Variants in SLC25A48 observed in about 807,000 individuals in gnomAD.
The protein encoded by SLC25A48 is solute carrier family 25 member 48.
A neutral mutation model predicts 32.2 loss-of-function variants in SLC25A48; 29 were observed. That is an observed-to-expected ratio of 0.90 (90% CI 0.67 to 1.23). The LOEUF (loss-of-function observed/expected upper bound fraction) is 1.23, where lower values mean the gene tolerates loss of function less well. Among genes scored for constraint, SLC25A48 ranks in the 50% most tolerant of loss-of-function variants. The pLI, the probability that SLC25A48 is intolerant of heterozygous loss-of-function variation, is 0.00. For missense variants in SLC25A48, 399 were observed against 422.7 expected (o/e 0.94, Z 0.49); for synonymous variants, 164 against 172.3 (o/e 0.95, Z 0.38).
At chr5:135,674,864 C>A (rs1015085084) in intron 3 of SLC25A48, among the ~76,000 whole-genome samples, 6 of 151,678 alleles carry the variant, frequency 4.0e-5, no homozygotes, top group African/African-American at 1.5e-4. Context: ...GGATAAATAC[C>A]CAGTAATGGG....
chr5:135,671,925 C>T (rs143920480), intron 3 of SLC25A48, among the ~76,000 whole-genome samples: 3 of 150,590 alleles, frequency 2.0e-5, no homozygotes, highest in Non-Finnish European at 2.9e-5. Context: ...ACACTGAGAC[C>T]AAAGTATCCG....
chr5:135,847,767 G>A (rs1759540048), intron 2 of SLC25A48, among the ~76,000 whole-genome samples: 1 of 152,150 alleles, frequency 6.6e-6, no homozygotes, highest in Non-Finnish European at 1.5e-5. Flanking sequence ...TTCTCCTCAA[G>A]AGCCTCCCGA....
chr5:135,831,431 G>A (rs1187423621), upstream of SLC25A48, among the ~76,000 whole-genome samples: 1 of 152,264 alleles, frequency 6.6e-6, no homozygotes, highest in Non-Finnish European at 1.5e-5. Flanking sequence ...GTCTGGATGG[G>A]AAGACAATCA....
At chr5:135,811,011 C>A (rs11960212) in intron 3 of SLC25A48, among the ~76,000 whole-genome samples, 33,340 of 152,092 alleles carry the variant, frequency 0.22, 3,943 homozygotes, top group African/African-American at 0.3. Flanking sequence ...ATCGGCTGCT[C>A]CCTGGAGTGT....
At chr5:135,862,257 C>T (rs374066173) in intron 4 of SLC25A48, among the ~76,000 whole-genome samples, 6 of 152,240 alleles carry the variant, frequency 3.9e-5, no homozygotes, top group South Asian at 2.1e-4. Flanking sequence ...ACTCCTCCCC[C>T]ATCTGGGAGT....
At chr5:135,581,987 C>T (rs959105377) in intron 1 of SLC25A48, among the ~76,000 whole-genome samples, 23 of 152,234 alleles carry the variant, frequency 1.5e-4, no homozygotes, top group African/African-American at 5.5e-4. Flanking sequence ...TACAGTGGCA[C>T]TGTCTGCTTC....
chr5:135,696,647 G>A (rs1314962721), intron 3 of SLC25A48, among the ~76,000 whole-genome samples: 1 of 152,238 alleles, frequency 6.6e-6, no homozygotes, highest in Non-Finnish European at 1.5e-5. Context: ...ACTGGAGGCA[G>A]GTTCTAACCT....
chr5:135,734,199 C>T (rs1042358135), intron 3 of SLC25A48, among the ~76,000 whole-genome samples: 1 of 151,702 alleles, frequency 6.6e-6, no homozygotes. Flanking sequence ...GTGGAGGTGT[C>T]CCATACTTGT....
chr5:135,583,703 G>A (rs1362347529), intron 1 of SLC25A48, among the ~76,000 whole-genome samples: 1 of 152,048 alleles, frequency 6.6e-6, no homozygotes, highest in African/African-American at 2.4e-5. Context: ...CTGGGCTCCA[G>A]TAACCTGTCT....
chr5:135,769,249 T>C (rs1369821925), intron 3 of SLC25A48, among the ~76,000 whole-genome samples: 1 of 63,752 alleles, frequency 1.6e-5, no homozygotes, highest in African/African-American at 4.2e-5. Context: ...TGTAATTTTG[T>C]TTGCAATATT....
rs560725976 is a variant in SLC25A48 at position 135,780,568 on chromosome 5, GGAT to G, written c.-520-31951_-520-31949del. ...TTGTTCCTAGTATCCAAAAGGAAGA[GGAT>G]GATATTACTCTCAATATCGCAGGTG... is the stretch of plus-strand genomic sequence containing the variant. On this transcript the variant is annotated intron_variant, in intron 3 of 10. Coordinates refer to the SLC25A48 transcript ENST00000646290. Among the ~76,000 whole-genome samples the G allele has an allele frequency of 2.7e-3, 316 of 117,298 alleles. 35 individuals are homozygous for G. The highest frequency in any genetic ancestry group is 7.7e-3 in the African/African-American group (295 of 38,478). 77.0% of individuals were successfully genotyped at this position (117,298 alleles called of 152,430 possible). A position where few individuals can be genotyped will look rare whatever the true frequency, so the allele number is the denominator to read the frequency against.
Position 135,594,599 on chromosome 5 carries a change from T to TG in SLC25A48, c.-849+15008dup, listed in dbSNP as rs35610214. Among the ~76,000 whole-genome samples, 423 of 152,234 alleles carry TG rather than the reference T, an allele frequency of 2.8e-3. 1 individual carries two copies. Among genetic ancestry groups the TG allele is most frequent in the Non-Finnish European group, 3.7e-3 (249 of 68,010 alleles). On this transcript the variant is annotated intron_variant, in intron 1 of 10. Coordinates refer to the SLC25A48 transcript ENST00000646290. Reference sequence around the variant, plus strand: ...CATGTGGGAGGGGTCTGGACAGTGTTGGGGGGTCATGGTTGAACTAAACCT... The same window carrying TG: ...CATGTGGGAGGGGTCTGGACAGTGTTGGGGGGGTCATGGTTGAACTAAACCT...
intron 3 of SLC25A48, among the ~76,000 whole-genome samples, chr5:135,773,248 T>G (rs1271820375): frequency 1.3e-4 from 19 of 151,522 alleles, no homozygotes; most frequent in Non-Finnish European, 5.9e-5. Flanking sequence ...ACGCCCAATA[T>G]CTCAGAATGT....
Position 135,871,465 on chromosome 5 carries a change from CCTCGGTTTGAAGTCCAGGGCAGTGG to C in SLC25A48, c.430_454del (p.Gly144LeufsTer18). ...TTCTCTCCCCTGTCTTTGCAGCCAA[CCTCGGTTTGAAGTCCAGGGCAGTGG>C]CTCCTGCGGAGCAGCCAGCATACCA... On this transcript the variant is annotated frameshift_variant, in exon 5 of 8. Coordinates refer to ENST00000681962, the MANE Select transcript of SLC25A48 (RefSeq NM_001349336.2). LOFTEE classifies it high-confidence loss of function. 6.3e-7 allele frequency: 1 copy of C among 1,584,220 alleles called. No homozygotes were observed. Among genetic ancestry groups the C allele is most frequent in the Non-Finnish European group, 8.6e-7 (1 of 1,161,362 alleles).
intron 1 of SLC25A48, among the ~76,000 whole-genome samples, chr5:135,835,678 T>TAAAAAAAAA (rs35114794): frequency 1.8e-4 from 13 of 70,388 alleles, no homozygotes; most frequent in East Asian, 1.5e-3. Flanking sequence ...TTGCTAATTG[T>TAAAAAAAAA]AAAAAAAAAA....
In SLC25A48 at chr5:135,629,838, G is replaced by T. The variant is rs996402011; in HGVS notation, c.-709+462G>T. On this transcript the variant is annotated intron_variant, in intron 2 of 10. Coordinates refer to the SLC25A48 transcript ENST00000646290. The surrounding 1 kb of genome is among the most constrained non-coding windows in gnomAD (Gnocchi z 4.8). Reference sequence around the variant, plus strand: ...GCACATGGGCTGAGTGGGCCCATTGGCCAGAGAAAACCCTAGGGCAGAAAC... The same window carrying T: ...GCACATGGGCTGAGTGGGCCCATTGTCCAGAGAAAACCCTAGGGCAGAAAC... 6.6e-6 allele frequency among the ~76,000 whole-genome samples: 1 copy of T among 152,196 alleles called. No homozygotes were observed. The highest frequency in any genetic ancestry group is 1.5e-5 in the Non-Finnish European group (1 of 68,028).
At chr5:135,860,836 G>A (rs979480398) in intron 4 of SLC25A48, among the ~76,000 whole-genome samples, 1 of 152,184 alleles carries the variant, frequency 6.6e-6, no homozygotes, top group African/African-American at 2.4e-5. Flanking sequence ...TATGTGATAT[G>A]AGAGACAGCA....
chr5:135,620,734 C>T (rs892720934), intron 1 of SLC25A48, among the ~76,000 whole-genome samples: 3 of 152,096 alleles, frequency 2.0e-5, no homozygotes, highest in Non-Finnish European at 2.9e-5. Flanking sequence ...CATTGTGCTG[C>T]AGCTGCTTCG....
intron 3 of SLC25A48, chr5:135,650,096 T>C (rs1753070996): frequency 5.3e-6 from 1 of 189,270 alleles, no homozygotes; most frequent in Non-Finnish European, 1.1e-5. Context: ...TTATATTTCC[T>C]GCAGTCTCAT....
Sources: allele counts gnomAD v4.1 joint callset (sites outside exome capture counted in the v4.1 genomes callset), GRCh38; gene constraint gnomAD v4.1.1; non-coding constraint Gnocchi (gnomAD v3.1); transcripts MANE v1.5; gene names NCBI Gene and HGNC (gene_info 2026-07-23, HGNC 2026-07-21).